The following ALK variants were observed in gnomAD, a reference collection of about 807,000 sequenced individuals.
The protein encoded by ALK is ALK receptor tyrosine kinase, also known as ALK tyrosine kinase receptor.
A neutral mutation model predicts 163.1 loss-of-function variants in ALK; 74 were observed. The ratio of observed to expected loss-of-function variants is 0.45; its 90% CI spans 0.38 to 0.55. The LOEUF is 0.55. Ranked by LOEUF, ALK falls within the 20% of genes least tolerant of loss-of-function variation. The pLI, the probability that ALK is intolerant of heterozygous loss-of-function variation, is 0.00. For missense variants in ALK, 2,063 were observed against 2,105.3 expected (o/e 0.98, Z 0.39); for synonymous variants, 960 against 843.2 (o/e 1.14, Z -2.40).
At chr2:29,194,435 T>G (rs4666172) in intron 28 of ALK, among the ~76,000 whole-genome samples, 44,221 of 151,940 alleles carry the variant, frequency 0.29, 7,596 homozygotes, top group East Asian at 0.74. Context: ...TCCATTTGGG[T>G]ACTTTACACT....
intron 4 of ALK, among the ~76,000 whole-genome samples, chr2:29,410,221 T>G (rs11681861): frequency 0.084 from 12,753 of 152,232 alleles, 727 homozygotes; most frequent in Non-Finnish European, 0.13. Context: ...AGGGCAACCC[T>G]GCCTCCCATT....
At chr2:29,200,720 C>T (rs984954187) in intron 26 of ALK, among the ~76,000 whole-genome samples, 4 of 143,106 alleles carry the variant, frequency 2.8e-5, no homozygotes, top group African/African-American at 7.9e-5. Flanking sequence ...AATATACATA[C>T]GTATATATGT....
At chr2:29,513,159 C>T (rs1361978054) in intron 4 of ALK, among the ~76,000 whole-genome samples, 3 of 149,942 alleles carry the variant, frequency 2.0e-5, no homozygotes, top group Non-Finnish European at 4.4e-5. Flanking sequence ...CTTTAAAGTT[C>T]ATACGGAACC....
rs1679293952 is a variant in ALK, at chr2:29,717,458, T to C, written c.787+120A>G. 5.6e-6 allele frequency: 7 copies of C among 1,245,490 alleles called. No homozygotes were observed. In the Admixed American group the frequency reaches 1.0e-4, roughly 19 times the overall value. 77.2% of individuals were successfully genotyped at this position (1,245,490 alleles called of 1,614,324 possible). A position where few individuals can be genotyped will look rare whatever the true frequency, so the allele number is the denominator to read the frequency against. ...GACAGAGGGCTCAGAAAGACTTCTTTTGCATATAGGGAGCTGAGGGAATGC... is the reference window on the plus strand; with the variant it reads ...GACAGAGGGCTCAGAAAGACTTCTTCTGCATATAGGGAGCTGAGGGAATGC... On this transcript the variant is annotated intron_variant, in intron 2 of 28. Coordinates refer to ENST00000389048, the MANE Select transcript of ALK (RefSeq NM_004304.5).
chr2:29,253,869 TA>T (rs1267742551), intron 11 of ALK, among the ~76,000 whole-genome samples: 1 of 151,706 alleles, frequency 6.6e-6, no homozygotes, highest in Non-Finnish European at 1.5e-5. Flanking sequence ...GATAGATAGA[TA>T]GATAGATAGA....
intron 1 of ALK, among the ~76,000 whole-genome samples, chr2:29,847,188 T>C (rs893049963): frequency 6.6e-6 from 1 of 152,148 alleles, no homozygotes; most frequent in African/African-American, 2.4e-5. Flanking sequence ...GGTATTCTCA[T>C]CTATGAATAG....
chr2:29,371,249 T>C (rs912371986), intron 5 of ALK, among the ~76,000 whole-genome samples: 1 of 152,260 alleles, frequency 6.6e-6, no homozygotes, highest in African/African-American at 2.4e-5. Flanking sequence ...TCAGCATAAC[T>C]TGAAGACAGA....
intron 1 of ALK, among the ~76,000 whole-genome samples, chr2:29,841,910 C>G (rs1372830550): frequency 1.3e-5 from 2 of 152,238 alleles, no homozygotes; most frequent in East Asian, 1.9e-4. Flanking sequence ...CCACTCTTAC[C>G]CCAGCCATGG....
At chr2:29,686,815 A>G (rs1334498580) in intron 3 of ALK, among the ~76,000 whole-genome samples, 1 of 152,174 alleles carries the variant, frequency 6.6e-6, no homozygotes, top group Non-Finnish European at 1.5e-5. Context: ...CCCTGAGGCA[A>G]GCATGCCACT....
intron 1 of ALK, among the ~76,000 whole-genome samples, chr2:29,866,379 ACG>A (rs1666434949): frequency 6.6e-6 from 1 of 152,176 alleles, no homozygotes; most frequent in Non-Finnish European, 1.5e-5. Flanking sequence ...GCAACTCGAC[ACG>A]CAATGCTCAG....
intron 5 of ALK, among the ~76,000 whole-genome samples, chr2:29,357,432 T>A (rs1668278415): frequency 6.6e-6 from 1 of 152,202 alleles, no homozygotes; most frequent in Non-Finnish European, 1.5e-5. Context: ...AGAAGTGGGC[T>A]CTTTATTCCT....
intron 1 of ALK, among the ~76,000 whole-genome samples, chr2:29,774,626 C>T (rs1327792836): frequency 6.6e-6 from 1 of 152,182 alleles, no homozygotes; most frequent in East Asian, 1.9e-4. Context: ...GTTGTTTTGG[C>T]TTTGAGCCCA....
At position 29,330,818 on chromosome 2, in the gene ALK, G is replaced by T. The variant is rs185590548; in HGVS notation, c.1283-2337C>A. 2.6e-3 allele frequency among the ~76,000 whole-genome samples: 399 copies of T among 152,220 alleles called. 2 individuals are homozygous for T. Among genetic ancestry groups the T allele is most frequent in the African/African-American group, 9.1e-3 (377 of 41,526 alleles). The stretch of plus-strand genomic sequence containing the variant: ...GGGAGGAAGGGGTCACAAGCCAAAG[G>T]GTGCTGGCAGCCTCTGAAAGCTGGA... On this transcript the variant is annotated intron_variant, in intron 5 of 28. Transcript: ENST00000389048.
intron 1 of ALK, among the ~76,000 whole-genome samples, chr2:29,801,310 A>G (rs577144702): frequency 6.6e-6 from 1 of 152,268 alleles, no homozygotes; most frequent in Admixed American, 6.5e-5. Context: ...AAACACATAG[A>G]ATTTTTAAGC....
intron 4 of ALK, among the ~76,000 whole-genome samples, chr2:29,501,656 C>A (rs1269585633): frequency 6.6e-6 from 1 of 152,156 alleles, no homozygotes; most frequent in African/African-American, 2.4e-5. Flanking sequence ...TTCTTGCTAG[C>A]CCTTTTGAAA....
chr2:29,571,942 C>T (rs546813729), intron 3 of ALK, among the ~76,000 whole-genome samples: 14 of 152,138 alleles, frequency 9.2e-5, no homozygotes, highest in Non-Finnish European at 2.1e-4. Flanking sequence ...AGTGTGAGAA[C>T]AGACTAATAC....
At chr2:29,747,702 G>T (rs1428756921) in intron 1 of ALK, among the ~76,000 whole-genome samples, 1 of 152,154 alleles carries the variant, frequency 6.6e-6, no homozygotes, top group African/African-American at 2.4e-5. Context: ...TTTCCTCCCA[G>T]AAATATAAAA....
At chr2:29,216,786 TGTGTATGTGTGGGG>T (rs1669623472) in intron 23 of ALK, among the ~76,000 whole-genome samples, 1 of 151,224 alleles carries the variant, frequency 6.6e-6, no homozygotes, top group Non-Finnish European at 1.5e-5. Flanking sequence ...GTGTGTGTGG[TGTGTATGTGTGGGG>T]GTGTATGTGG....
chr2:29,260,260 T>G (rs752457895), intron 11 of ALK, among the ~76,000 whole-genome samples: 4 of 152,202 alleles, frequency 2.6e-5, no homozygotes, highest in Non-Finnish European at 5.9e-5. Flanking sequence ...ATGTCTTGTA[T>G]TATTGTTTTT....
Sources: gnomAD v4.1 joint callset for allele counts (sites outside exome capture counted in the v4.1 genomes callset) on GRCh38, gnomAD v4.1.1 for gene constraint, MANE v1.5 for transcripts, NCBI Gene and HGNC (gene_info 2026-07-23, HGNC 2026-07-21) for gene names.